Variants in CSMD1 observed in about 807,000 individuals in gnomAD.
CSMD1 encodes CUB and sushi domain-containing protein 1.
A neutral mutation model predicts 417.5 loss-of-function variants in CSMD1; 213 were observed. The observed-to-expected ratio is 0.51, with a 90% CI of 0.46 to 0.57. The LOEUF is 0.57. Among genes scored for constraint, CSMD1 ranks in the 20% least tolerant of loss-of-function variants. CSMD1 has a pLI of 0.00. For missense variants in CSMD1, 6,923 were observed against 4,529.7 expected (o/e 1.53, Z -15.17); for synonymous variants, 2,862 against 1,736.8 (o/e 1.65, Z -16.11).
chr8:4,149,759 C>G (rs548538628), intron 3 of CSMD1, among the ~76,000 whole-genome samples: 110 of 152,286 alleles, frequency 7.2e-4, no homozygotes, highest in Non-Finnish European at 1.3e-3. Flanking sequence ...CCAGCCAGGC[C>G]TTGCTGGATG....
intron 1 of CSMD1, among the ~76,000 whole-genome samples, chr8:4,772,669 G>T (rs1157250928): frequency 6.6e-6 from 1 of 152,124 alleles, no homozygotes; most frequent in Non-Finnish European, 1.5e-5. Context: ...CAGAAAAGAA[G>T]CCATAAAAAT....
At chr8:3,777,360 G>A (rs1798949150) in intron 5 of CSMD1, among the ~76,000 whole-genome samples, 2 of 152,074 alleles carry the variant, frequency 1.3e-5, no homozygotes, top group African/African-American at 2.4e-5. Context: ...AGTGCCTCCA[G>A]ATGAGCTAAC....
Position 3,387,541 on chromosome 8 carries a change from A to T in CSMD1, c.2735T>A (p.Val912Asp). 8 of 1,602,586 alleles carry T rather than the reference A, an allele frequency of 5.0e-6. No individual in the cohort carries two copies. The South Asian group carries it at 9.0e-5, about 18-fold the overall frequency. Reference sequence around the variant, plus strand: ...GTTCCACTGGTGGTTCCTCTCACAGACGAGGGGCTCGTCGTCACTTAGTGT... The same window carrying T: ...GTTCCACTGGTGGTTCCTCTCACAGTCGAGGGGCTCGTCGTCACTTAGTGT... The part of the protein sequence containing the change: ...GYTLSDDEPL[V>D]CERNHQWNHA... The change falls in exon 18 of 70, where the codon GTC becomes GAC. Residue 912 changes from valine (V) to aspartate (D), a missense_variant. Transcript: ENST00000635120.
At chr8:4,127,096 T>C (rs897041585) in intron 3 of CSMD1, among the ~76,000 whole-genome samples, 4 of 152,052 alleles carry the variant, frequency 2.6e-5, no homozygotes, top group Non-Finnish European at 4.4e-5. Context: ...TTTTTAACAA[T>C]CCTAGTTATC....
At chr8:4,667,513 A>G (rs577968919) in intron 1 of CSMD1, among the ~76,000 whole-genome samples, 2 of 151,566 alleles carry the variant, frequency 1.3e-5, no homozygotes, top group Non-Finnish European at 2.9e-5. Context: ...CCCTCCTTTT[A>G]TGTAGGTCTT....
intron 3 of CSMD1, among the ~76,000 whole-genome samples, chr8:4,178,043 A>T (rs1700116): frequency 6.6e-6 from 1 of 152,138 alleles, no homozygotes; most frequent in Non-Finnish European, 1.5e-5. Context: ...CTATTCCAAT[A>T]AATAGAAAAA....
At chr8:4,815,568 T>C (rs924754221) in intron 1 of CSMD1, among the ~76,000 whole-genome samples, 3 of 151,394 alleles carry the variant, frequency 2.0e-5, no homozygotes, top group Admixed American at 6.6e-5. Context: ...TGGTGACACA[T>C]GCCTGTAATC....
chr8:4,795,632 C>T (rs118053643), intron 1 of CSMD1, among the ~76,000 whole-genome samples: 6 of 152,106 alleles, frequency 3.9e-5, no homozygotes, highest in Non-Finnish European at 7.4e-5. Flanking sequence ...ACTTGTTCCT[C>T]AGAAAGGAAT....
chr8:4,733,175 G>A (rs1328302260), intron 1 of CSMD1, among the ~76,000 whole-genome samples: 2 of 152,128 alleles, frequency 1.3e-5, no homozygotes, highest in African/African-American at 2.4e-5. Context: ...ACCAAGTACT[G>A]AAAAAAGCGA....
At chr8:4,108,422 T>C (rs963010323) in intron 3 of CSMD1, among the ~76,000 whole-genome samples, 7 of 152,202 alleles carry the variant, frequency 4.6e-5, no homozygotes, top group Non-Finnish European at 8.8e-5. Context: ...ACAAAGTGAC[T>C]GCCATGTTGT....
chr8:4,633,056 G>A (rs1276142961), intron 2 of CSMD1, among the ~76,000 whole-genome samples: 1 of 152,160 alleles, frequency 6.6e-6, no homozygotes, highest in African/African-American at 2.4e-5. Flanking sequence ...GGAGATAGAA[G>A]CCAGGGCTAG....
At chr8:3,232,383 G>A (rs1474915140) in intron 26 of CSMD1, among the ~76,000 whole-genome samples, 1 of 152,140 alleles carries the variant, frequency 6.6e-6, no homozygotes, top group African/African-American at 2.4e-5. Flanking sequence ...CTTGTATTAT[G>A]TTTTTGGGAG....
At chr8:3,908,942 G>A (rs138775406) in intron 5 of CSMD1, among the ~76,000 whole-genome samples, 1,933 of 152,294 alleles carry the variant, frequency 0.013, 16 homozygotes, top group South Asian at 0.03. Flanking sequence ...CTGGCAAACA[G>A]GGCTCCTTCA....
At chr8:4,346,598 A>G (rs1245933785) in intron 3 of CSMD1, among the ~76,000 whole-genome samples, 1 of 152,200 alleles carries the variant, frequency 6.6e-6, no homozygotes, top group Admixed American at 6.5e-5. Flanking sequence ...ATTTCATTTC[A>G]ATCTTCAGCA....
intron 3 of CSMD1, among the ~76,000 whole-genome samples, chr8:4,314,396 A>C (rs551584608): frequency 2.6e-5 from 4 of 152,336 alleles, no homozygotes; most frequent in Non-Finnish European, 2.9e-5. Context: ...GTTCACAGGC[A>C]AACTAACAGA....
intron 50 of CSMD1, among the ~76,000 whole-genome samples, chr8:3,047,509 G>C (rs964565800): frequency 5.9e-5 from 9 of 152,160 alleles, no homozygotes; most frequent in Admixed American, 5.9e-4. Context: ...GTGAGGGGTT[G>C]CGAGTACACA....
chr8:3,076,950 T>C (rs957888849), intron 49 of CSMD1, among the ~76,000 whole-genome samples: 2 of 152,114 alleles, frequency 1.3e-5, no homozygotes, highest in African/African-American at 4.8e-5. Context: ...ATCACCTGAG[T>C]AGCGAACATT....
chr8:2,949,264 T>A (rs374032948), intron 68 of CSMD1, 35 bp downstream of exon 68: 2 of 1,189,516 alleles, frequency 1.7e-6, no homozygotes, highest in Non-Finnish European at 2.5e-6. Context: ...GCCAAACTGA[T>A]ATTTGCTTTA....
At chr8:4,827,845 T>G (rs552496545) in intron 1 of CSMD1, among the ~76,000 whole-genome samples, 1 of 152,332 alleles carries the variant, frequency 6.6e-6, no homozygotes, top group East Asian at 1.9e-4. Flanking sequence ...GTTTAAATTC[T>G]TAGTTTACTT....
Sources: gnomAD v4.1 joint callset for allele counts (sites outside exome capture counted in the v4.1 genomes callset) on GRCh38, gnomAD v4.1.1 for gene constraint, MANE v1.5 for transcripts, NCBI Gene and HGNC (gene_info 2026-07-23, HGNC 2026-07-21) for gene names.